Variants in CDAN1 observed in about 807,000 individuals in gnomAD.
The protein encoded by CDAN1 is codanin 1.
Under a neutral mutation model 139.8 loss-of-function variants are expected in CDAN1, and 107 were observed. The ratio of observed to expected loss-of-function variants is 0.77; its 90% CI spans 0.65 to 0.90. The LOEUF (loss-of-function observed/expected upper bound fraction) is 0.90, where lower values mean the gene tolerates loss of function less well. CDAN1 is among the 40% of genes least tolerant of loss of function. The pLI is 0.00. For missense variants in CDAN1, 1,667 were observed against 1,575.7 expected (o/e 1.06, Z -0.98); for synonymous variants, 776 against 660.6 (o/e 1.17, Z -2.68).
Position 42,731,752 on chromosome 15 carries a change from G to A in CDAN1, c.1607C>T (p.Ala536Val), listed in dbSNP as rs950472248. Residue 536 changes from alanine to valine, a missense_variant, in exon 11 of 28, where the codon GCT becomes GTT. Ala to Val is a moderately conservative substitution (Grantham distance 64). This residue lies in a region of CDAN1 where 244 missense variants were observed against 309.4 expected (regional missense o/e 0.79). Transcript: ENST00000356231. ...EAPDVLSMLG[A>V]DKLGRLWRLQ... ...GCGCCACAACCGCCCCAGCTTGTCA[G>A]CTCCCAGCATACTCAACACATCTGG... The A allele has an allele frequency of 3.1e-6, 5 of 1,614,198 alleles. No individual in the cohort carries two copies. The East Asian group carries it at 1.1e-4, about 36-fold the overall frequency.
At chr15:42,725,043 A>G in intron 27 of CDAN1, 101 bp downstream of exon 27, 1 of 989,958 alleles carries the variant, frequency 1.0e-6, no homozygotes, top group South Asian at 1.4e-5. Flanking sequence ...GACTCTTGAC[A>G]AAAATCCACT....
rs746634238 is a variant in CDAN1 at position 42,736,379 on chromosome 15, G to A, written c.492C>T (p.Leu164=). 14 of 1,613,552 alleles carry A rather than the reference G, an allele frequency of 8.7e-6. No homozygotes were observed. In the South Asian group the frequency reaches 1.5e-4, roughly 18 times the overall value. The change falls in exon 2 of 28, where the codon CTC becomes CTT. Residue 164 remains leucine (L), a synonymous_variant. Transcript: ENST00000356231. ...RGSGSPSRPS[L]TLSDPPNLSN... is the part of the protein sequence containing the mutation. ...TGAGGTTTGGCGGATCAGACAGCGT[G>A]AGGCTGGGGCGGCTGGGGCTGCCAG...
rs748032155 is a variant in CDAN1 at position 42,730,205 on chromosome 15, A to C, written c.2185T>G (p.Leu729Val). 78 of 1,614,002 alleles carry C rather than the reference A, an allele frequency of 4.8e-5. No homozygotes were observed. The highest frequency in any genetic ancestry group is 6.0e-5 in the Non-Finnish European group (71 of 1,179,978). Residue 729 changes from leucine (L) to valine (V), a missense_variant, in exon 15 of 28, where the codon TTG (leucine) becomes GTG (valine). Leu to Val is a conservative substitution (Grantham distance 32). Coordinates refer to ENST00000356231, the MANE Select transcript of CDAN1 (RefSeq NM_138477.4). ...ATCTTCCCCTCACTCTCCTGCGACAACACCAAGCTCCTGAAACATCAATGG... is the reference window on the plus strand; with the variant it reads ...ATCTTCCCCTCACTCTCCTGCGACACCACCAAGCTCCTGAAACATCAATGG... ...LLLRLHRSLV[L>V]SQESEGKMCF... is the part of the protein sequence containing the mutation.
In CDAN1 at chr15:42,736,226, C is replaced by A. The variant is rs1191639366; in HGVS notation, c.569+76G>T. The A allele has an allele frequency of 4.4e-6, 7 of 1,593,686 alleles. No individual in the cohort carries two copies. In the African/African-American group the frequency reaches 5.4e-5, roughly 12 times the overall value. On this transcript the variant is annotated intron_variant, in intron 2 of 27. Coordinates refer to ENST00000356231, the MANE Select transcript of CDAN1 (RefSeq NM_138477.4). ...TTCTACCCATCCTGGCGCTCCACTG[C>A]GGAGCGCCGAGCTCGAATGACTGAC...
intron 15 of CDAN1, 85 bp from the exon 16 acceptor site, chr15:42,729,970 G>A (rs1397963171): frequency 7.9e-5 from 97 of 1,222,020 alleles, no homozygotes; most frequent in South Asian, 3.8e-4. Context: ...GGGTGTAGGC[G>A]CCAGCTTCAA....
chr15:42,725,975 CAAAAAAAAAA>C (rs886492399), intron 25 of CDAN1, 112 bp downstream of exon 25: 120 of 354,176 alleles, frequency 3.4e-4, no homozygotes, highest in Middle Eastern at 2.9e-3. Flanking sequence ...GATTCCGTCT[CAAAAAAAAAA>C]AAAAAAAAAA....
At chr15:42,734,594 C>T (rs888519021) in intron 6 of CDAN1, among the ~76,000 whole-genome samples, 3 of 152,094 alleles carry the variant, frequency 2.0e-5, no homozygotes, top group African/African-American at 7.2e-5. Flanking sequence ...CTGCCAAGAC[C>T]ACAGGGGTCC....
At position 42,734,025 on chromosome 15, in the gene CDAN1, G is replaced by C. The variant is rs760572992; in HGVS notation, c.1280C>G (p.Ser427Cys). 15 of 1,613,888 alleles carry C rather than the reference G, an allele frequency of 9.3e-6. No homozygotes were observed. In the East Asian group the frequency reaches 2.9e-4, roughly 31 times the overall value. Residue 427 changes from serine to cysteine, a missense_variant, in exon 8 of 28, where the codon TCT becomes TGT. Ser to Cys is a moderately radical substitution (Grantham distance 112). This residue lies in a region of CDAN1 where 244 missense variants were observed against 309.4 expected (regional missense o/e 0.79). Transcript: ENST00000356231. Reference protein sequence around the residue: ...VAKVSLVMPPSTQAVSFQPET... With the variant: ...VAKVSLVMPPCTQAVSFQPET... ...TGGCTGAAAGGAGACAGCTTGAGTA[G>C]AGGGAGGCATCACCAGAGAGACCTA... is the stretch of plus-strand genomic sequence containing the variant.
In CDAN1 at chr15:42,729,232, C is replaced by T; in HGVS notation, c.2538G>A (p.Leu846=). The T allele has an allele frequency of 6.2e-7, 1 of 1,613,598 alleles. No homozygotes were observed. The highest frequency in any genetic ancestry group is 8.5e-7 in the Non-Finnish European group (1 of 1,179,808). Residue 846 remains leucine, a synonymous_variant, in exon 18 of 28, where the codon CTG becomes CTA. Coordinates refer to ENST00000356231, the MANE Select transcript of CDAN1 (RefSeq NM_138477.4). ...GAQPSQTSQG[L]QAQLAQAFFH... The stretch of plus-strand genomic sequence containing the variant: ...GCTGTCTCCGCCCTGCCCTTACCTG[C>T]AGCCCCTGGCTGGTCTGGGAAGGCT...
intron 20 of CDAN1, 124 bp downstream of exon 20, chr15:42,728,528 G>A: frequency 7.2e-7 from 1 of 1,381,950 alleles, no homozygotes; most frequent in Non-Finnish European, 1.0e-6. Flanking sequence ...TAGAGAATGG[G>A]CGCAGGGAGA....
chr15:42,726,734 C>G (rs1781468572), intron 23 of CDAN1: 2 of 428,378 alleles, frequency 4.7e-6, no homozygotes, highest in Admixed American at 3.9e-5. Context: ...ATTCTTGAAG[C>G]ATGTAAGGAA....
chr15:42,732,456 G>A (rs761136284), intron 9 of CDAN1, 48 bp from the exon 10 acceptor site: 1 of 1,557,916 alleles, frequency 6.4e-7, no homozygotes, highest in Non-Finnish European at 8.9e-7. Flanking sequence ...GAGGGAGAGG[G>A]AGAAAGATCT....
chr15:42,734,779 C>CAT (rs1555416262), intron 6 of CDAN1, among the ~76,000 whole-genome samples: 1 of 110,528 alleles, frequency 9.0e-6, no homozygotes, highest in Non-Finnish European at 1.8e-5. Flanking sequence ...CACACCCGGC[C>CAT]TTTTTTTTTT....
intron 9 of CDAN1, 25 bp from the exon 10 acceptor site, chr15:42,732,433 A>C: frequency 6.2e-7 from 1 of 1,606,368 alleles, no homozygotes; most frequent in Non-Finnish European, 8.5e-7. Context: ...GCAGGAATGA[A>C]GGGTGTGGAA....
rs760933366 is a variant in CDAN1, at chr15:42,736,693, G to C, written c.178C>G (p.Gln60Glu). The C allele has an allele frequency of 3.2e-6, 5 of 1,553,546 alleles. No individual in the cohort carries two copies. Among genetic ancestry groups the C allele is most frequent in the Non-Finnish European group, 4.3e-6 (5 of 1,152,852 alleles). Residue 60 changes from glutamine (Q) to glutamate (E), a missense_variant, in exon 2 of 28, where the codon CAG (glutamine) becomes GAG (glutamate). This residue lies in a region of CDAN1 where 487 missense variants were observed against 422.2 expected (regional missense o/e 1.15). Coordinates refer to ENST00000356231, the MANE Select transcript of CDAN1 (RefSeq NM_138477.4). ...VPFLLNFLREQSSRVLPQGPP... is the reference protein window; with the variant it reads ...VPFLLNFLREESSRVLPQGPP... ...CCCTGCGGGAGGACGCGGCTGCTCTGCTCCCTCAGGAAGTTCAACAGGAAC... is the reference window on the plus strand; with the variant it reads ...CCCTGCGGGAGGACGCGGCTGCTCTCCTCCCTCAGGAAGTTCAACAGGAAC...
intron 23 of CDAN1, among the ~76,000 whole-genome samples, 180 bp downstream of exon 23, chr15:42,727,441 C>G (rs1428609497): frequency 4.6e-5 from 7 of 152,214 alleles, no homozygotes; most frequent in Non-Finnish European, 7.4e-5. Flanking sequence ...ATTAGGAAAA[C>G]CATTCAATTC....
At chr15:42,727,933 A>C (rs1220056966) in intron 22 of CDAN1, 22 bp downstream of exon 22, 2 of 1,611,364 alleles carry the variant, frequency 1.2e-6, no homozygotes, top group Admixed American at 3.3e-5. Flanking sequence ...TGATTCAGCC[A>C]CTCCCCCATC....
intron 2 of CDAN1, 33 bp from the exon 3 acceptor site, chr15:42,736,111 T>G: frequency 6.2e-7 from 1 of 1,610,184 alleles, no homozygotes; most frequent in Non-Finnish European, 8.5e-7. Flanking sequence ...TTTCTCAAAT[T>G]CCTATCTTCA....
chr15:42,728,836 G>T (rs759919615), intron 19 of CDAN1, 26 bp from the exon 20 acceptor site: 1 of 1,613,984 alleles, frequency 6.2e-7, no homozygotes, highest in Admixed American at 1.7e-5. Context: ...CAAGGTTGGG[G>T]ATGGTTGGAG....
Sources: gnomAD v4.1 joint callset for allele counts (sites outside exome capture counted in the v4.1 genomes callset) on GRCh38, gnomAD v4.1.1 for gene constraint, gnomAD v4.1.1 regional missense constraint, MANE v1.5 for transcripts, NCBI Gene and HGNC (gene_info 2026-07-23, HGNC 2026-07-21) for gene names.